NRXN1: variants seen among roughly 807,000 people sequenced by gnomAD.
The protein encoded by NRXN1 is neurexin 1.
Under a neutral mutation model 150.9 loss-of-function variants are expected in NRXN1, and 39 were observed. The ratio of observed to expected loss-of-function variants is 0.26; its 90% CI spans 0.20 to 0.34. The LOEUF (loss-of-function observed/expected upper bound fraction) is 0.34, where lower values mean the gene tolerates loss of function less well. Ranked by LOEUF, NRXN1 falls within the 10% of genes least tolerant of loss-of-function variation. The probability of loss-of-function intolerance (pLI) is 1.00; values close to 1 mark genes in which losing one functional copy is unlikely to be tolerated. For synonymous variants in NRXN1, 924 were observed against 757.0 expected, an observed-to-expected ratio of 1.22 and a Z score of -3.62; for missense variants, 1,815 against 1,949.9, an observed-to-expected ratio of 0.93 and a Z score of 1.30.
intron 21 of NRXN1, among the ~76,000 whole-genome samples, chr2:49,998,013 G>C: frequency 6.6e-6 from 1 of 152,284 alleles, no homozygotes; most frequent in Middle Eastern, 3.4e-3. Flanking sequence ...CTAAAAGAGA[G>C]CCAGGTCAGC....
chr2:50,035,191 A>G (rs1689839973), intron 21 of NRXN1, among the ~76,000 whole-genome samples: 1 of 152,132 alleles, frequency 6.6e-6, no homozygotes, highest in Admixed American at 6.6e-5. Flanking sequence ...ATTTCAAAAC[A>G]TATCTTTTTA....
At chr2:50,094,733 G>C (rs1046118757) in intron 18 of NRXN1, among the ~76,000 whole-genome samples, 2 of 151,172 alleles carry the variant, frequency 1.3e-5, no homozygotes, top group Non-Finnish European at 2.9e-5. Flanking sequence ...TAAAGGGATT[G>C]GGCTGAGTGG....
chr2:50,472,795 T>TTGTGTG (rs113192574), intron 15 of NRXN1, among the ~76,000 whole-genome samples: 16,295 of 138,182 alleles, frequency 0.12, 1,354 homozygotes, highest in East Asian at 0.26. Context: ...CCCTACAGCC[T>TTGTGTG]TGTGTGTGTG....
intron 5 of NRXN1, among the ~76,000 whole-genome samples, chr2:50,678,234 C>T (rs575368117): frequency 9.9e-5 from 15 of 152,250 alleles, no homozygotes; most frequent in Non-Finnish European, 1.6e-4. Context: ...TTCACCAACA[C>T]ATTATGATCA....
intron 5 of NRXN1, among the ~76,000 whole-genome samples, chr2:50,707,965 T>C (rs1559150897): frequency 1.3e-5 from 2 of 152,174 alleles, no homozygotes; most frequent in Admixed American, 1.3e-4. Flanking sequence ...ACATTTCCTA[T>C]TTGTAAAAAT....
At chr2:50,034,295 T>A (rs1371313854) in intron 21 of NRXN1, among the ~76,000 whole-genome samples, 1 of 152,036 alleles carries the variant, frequency 6.6e-6, no homozygotes, top group East Asian at 1.9e-4. Flanking sequence ...ATGTACACCA[T>A]GGAATACTAT....
At chr2:49,965,487 C>T (rs1038210665) in intron 21 of NRXN1, among the ~76,000 whole-genome samples, 3 of 151,986 alleles carry the variant, frequency 2.0e-5, no homozygotes, top group African/African-American at 7.2e-5. Context: ...AGGCTGGTCT[C>T]GAACTCCTGA....
intron 5 of NRXN1, among the ~76,000 whole-genome samples, chr2:50,667,171 C>A (rs940371441): frequency 2.3e-4 from 29 of 124,156 alleles, no homozygotes; most frequent in Admixed American, 2.3e-3. Flanking sequence ...TACACAATTT[C>A]TTTCATTTTT....
intron 5 of NRXN1, among the ~76,000 whole-genome samples, chr2:50,650,840 T>C (rs370602799): frequency 5.4e-4 from 82 of 152,200 alleles, no homozygotes; most frequent in African/African-American, 1.9e-3. Context: ...AAGTGATCTT[T>C]AGCACTGTCT....
At chr2:50,293,043 T>C (rs2073126814) in intron 17 of NRXN1, among the ~76,000 whole-genome samples, 1 of 152,202 alleles carries the variant, frequency 6.6e-6, no homozygotes. Context: ...ATCCATCCAT[T>C]ATCTGTGCCC....
At chr2:50,725,729 T>C (rs1480421855) in intron 5 of NRXN1, among the ~76,000 whole-genome samples, 3 of 152,170 alleles carry the variant, frequency 2.0e-5, no homozygotes, top group African/African-American at 4.8e-5. Flanking sequence ...TACATATAAC[T>C]ACAAAAGTTA....
intron 22 of NRXN1, among the ~76,000 whole-genome samples, chr2:49,938,092 TTATTTAAA>T (rs1671361442): frequency 6.6e-6 from 1 of 152,186 alleles, no homozygotes; most frequent in Non-Finnish European, 1.5e-5. Flanking sequence ...TGACATGAAA[TTATTTAAA>T]TGAACTTTTG....
At chr2:50,096,460 T>G (rs901804309) in intron 18 of NRXN1, among the ~76,000 whole-genome samples, 1 of 152,206 alleles carries the variant, frequency 6.6e-6, no homozygotes, top group African/African-American at 2.4e-5. Context: ...AGAATTCATT[T>G]CAAACTCTTA....
chr2:50,413,797 A>G (rs1316022308), intron 17 of NRXN1, among the ~76,000 whole-genome samples: 4 of 152,174 alleles, frequency 2.6e-5, no homozygotes, highest in African/African-American at 9.7e-5. Context: ...TCATTAACAG[A>G]TTAATGCATA....
At chr2:50,106,086 C>A (rs796374310) in intron 18 of NRXN1, among the ~76,000 whole-genome samples, 84 of 151,724 alleles carry the variant, frequency 5.5e-4, no homozygotes, top group African/African-American at 2.0e-3. Flanking sequence ...ACATAATGAC[C>A]ACTTCTTAGA....
At chr2:50,310,586 AAATC>A (rs2075092131) in intron 17 of NRXN1, among the ~76,000 whole-genome samples, 1 of 152,212 alleles carries the variant, frequency 6.6e-6, no homozygotes, top group Non-Finnish European at 1.5e-5. Flanking sequence ...AAAGAATAAT[AAATC>A]AATTTAAACA....
intron 18 of NRXN1, among the ~76,000 whole-genome samples, chr2:50,176,855 G>A (rs780471637): frequency 2.0e-5 from 3 of 152,038 alleles, no homozygotes; most frequent in African/African-American, 7.2e-5. Context: ...AAAGTCCAGA[G>A]CTAAGACATA....
At chr2:50,086,635 C>T (rs1210478564) in intron 19 of NRXN1, among the ~76,000 whole-genome samples, 6 of 152,110 alleles carry the variant, frequency 3.9e-5, no homozygotes, top group African/African-American at 1.4e-4. Flanking sequence ...TTTCTGGATC[C>T]TCCTTATCTC....
Position 50,506,478 on chromosome 2 carries a change from G to A in NRXN1, c.2497+17C>T, listed in dbSNP as rs376589464. 9.3e-6 allele frequency: 15 copies of A among 1,605,042 alleles called. No individual in the cohort carries two copies. The highest frequency in any genetic ancestry group is 1.1e-5 in the South Asian group (1 of 90,012). ...AAGCGTTAGCATAGGAAAAGACAAT[G>A]GGACAGAGGTGTTTACCTGTCATGG... On this transcript the variant is annotated intron_variant, in intron 13 of 22. Transcript: ENST00000401669.
Sources: gnomAD v4.1 joint callset for allele counts (sites outside exome capture counted in the v4.1 genomes callset) on GRCh38, gnomAD v4.1.1 for gene constraint, MANE v1.5 for transcripts, NCBI Gene and HGNC (gene_info 2026-07-23, HGNC 2026-07-21) for gene names.